Variants in SDK2 observed in about 807,000 individuals in gnomAD.
The protein encoded by SDK2 is sidekick cell adhesion molecule 2.
SDK2 carries 105 observed loss-of-function variants against 253.9 expected under a neutral mutation model. The ratio of observed to expected loss-of-function variants is 0.41; its 90% CI spans 0.35 to 0.49. The LOEUF is 0.49. Among genes scored for constraint, SDK2 ranks in the 20% least tolerant of loss-of-function variants. The pLI is 0.06. For synonymous variants in SDK2, 1,249 were observed against 1,234.9 expected (o/e 1.01, Z -0.24); for missense variants, 2,608 against 3,003.0 (o/e 0.87, Z 3.07).
chr17:73,567,465 C>T (rs2045328004), intron 1 of SDK2, among the ~76,000 whole-genome samples: 1 of 152,276 alleles, frequency 6.6e-6, no homozygotes, highest in Non-Finnish European at 1.5e-5. Context: ...TTGAAGCTCC[C>T]ACAGGGTCCT....
At chr17:73,424,169 C>T (rs575669866) in intron 12 of SDK2, 77 bp from the exon 13 acceptor site, 16 of 1,260,672 alleles carry the variant, frequency 1.3e-5, no homozygotes, top group Admixed American at 4.5e-5. Flanking sequence ...AAGCTTGTCC[C>T]GAGAAAATAG....
chr17:73,411,612 G>A (rs963487404), intron 18 of SDK2, among the ~76,000 whole-genome samples: 4 of 152,066 alleles, frequency 2.6e-5, no homozygotes, highest in Non-Finnish European at 5.9e-5. Context: ...CCCCCATGCT[G>A]TGCTCTGTCT....
At chr17:73,562,369 G>A (rs968744263) in intron 1 of SDK2, among the ~76,000 whole-genome samples, 22 of 151,894 alleles carry the variant, frequency 1.4e-4, no homozygotes, top group African/African-American at 5.3e-4. Context: ...TTTAATTACT[G>A]AATTTTGGGA....
At chr17:73,416,811 G>A (rs1283111739) in intron 16 of SDK2, among the ~76,000 whole-genome samples, 4 of 150,658 alleles carry the variant, frequency 2.7e-5, no homozygotes, top group Non-Finnish European at 5.9e-5. Context: ...GGCTGGTCTC[G>A]AACTCCTGAC....
intron 3 of SDK2, among the ~76,000 whole-genome samples, chr17:73,470,336 T>A (rs2063640136): frequency 6.6e-6 from 1 of 152,052 alleles, no homozygotes; most frequent in African/African-American, 2.4e-5. Flanking sequence ...CCCGCACATA[T>A]ACACACTCAT....
At chr17:73,514,073 G>T (rs570739831) in intron 1 of SDK2, among the ~76,000 whole-genome samples, 3 of 152,314 alleles carry the variant, frequency 2.0e-5, no homozygotes, top group Admixed American at 1.3e-4. Flanking sequence ...TCTATGATCA[G>T]ATATATGTAT....
intron 1 of SDK2, among the ~76,000 whole-genome samples, chr17:73,601,829 C>T (rs1323882343): frequency 3.3e-5 from 5 of 152,100 alleles, no homozygotes; most frequent in African/African-American, 9.7e-5. Context: ...TTGCAGCCTC[C>T]GCCTCCTGGG....
At chr17:73,444,473 G>A (rs1409268010) in intron 5 of SDK2, among the ~76,000 whole-genome samples, 1 of 152,230 alleles carries the variant, frequency 6.6e-6, no homozygotes, top group East Asian at 1.9e-4. Flanking sequence ...GGTGGGCCCT[G>A]GGGTGGGAGG....
chr17:73,519,766 C>T (rs1335784398), intron 1 of SDK2: 1 of 152,150 alleles, frequency 6.6e-6, no homozygotes, highest in Non-Finnish European at 1.5e-5. Flanking sequence ...GTTTGGAGCC[C>T]AGGAACAGAT....
chr17:73,488,857 C>T (rs75573598), intron 2 of SDK2, among the ~76,000 whole-genome samples: 3,655 of 152,198 alleles, frequency 0.024, 133 homozygotes, highest in African/African-American at 0.083. Context: ...CCATTTCCCC[C>T]GTAAGCCCTT....
intron 40 of SDK2, among the ~76,000 whole-genome samples, chr17:73,355,105 C>T (rs565447359): frequency 8.5e-4 from 121 of 142,920 alleles, no homozygotes; most frequent in African/African-American, 3.1e-3. Context: ...GGGTCCCGAA[C>T]CTCGGCCTCA....
intron 1 of SDK2, chr17:73,518,969 A>T (rs1441102989): frequency 6.6e-6 from 1 of 152,072 alleles, no homozygotes; most frequent in East Asian, 1.9e-4. Flanking sequence ...CACCCTTCTC[A>T]CAGGTGACTT....
rs992059469 is a variant in SDK2 at position 73,413,471 on chromosome 17, C to T, written c.2484+1173G>A. 3.9e-5 allele frequency among the ~76,000 whole-genome samples: 6 copies of T among 152,140 alleles called. No homozygotes were observed. The South Asian group carries it at 6.2e-4, about 16-fold the overall frequency. ...CATCCCGAAACCATCCCTCCTCCCACCCCAATCCATGGAAAAATTGTCTTC... is the reference window on the plus strand; with the variant it reads ...CATCCCGAAACCATCCCTCCTCCCATCCCAATCCATGGAAAAATTGTCTTC... On this transcript the variant is annotated intron_variant, in intron 18 of 44. Coordinates refer to ENST00000392650, the MANE Select transcript of SDK2 (RefSeq NM_001144952.2).
At chr17:73,619,587 A>G (rs2046104060) in intron 1 of SDK2, among the ~76,000 whole-genome samples, 1 of 152,214 alleles carries the variant, frequency 6.6e-6, no homozygotes, top group Non-Finnish European at 1.5e-5. Flanking sequence ...ACAAAAAGGA[A>G]CTCAAAATGG....
intron 1 of SDK2, among the ~76,000 whole-genome samples, chr17:73,622,943 C>T (rs2046151981): frequency 6.6e-6 from 1 of 152,222 alleles, no homozygotes; most frequent in Non-Finnish European, 1.5e-5. Flanking sequence ...CTTCACCCAT[C>T]CTGCACTTGG....
At chr17:73,372,505 AC>A (rs2062742724) in intron 36 of SDK2, among the ~76,000 whole-genome samples, 1 of 152,016 alleles carries the variant, frequency 6.6e-6, no homozygotes, top group South Asian at 2.1e-4. Flanking sequence ...ATAATCACGA[AC>A]CTGCCATTTA....
chr17:73,386,456 G>C lies in SDK2; in HGVS notation c.4487C>G (p.Thr1496Ser). 1.3e-6 allele frequency: 2 copies of C among 1,551,398 alleles called. No individual in the cohort carries two copies. The highest frequency in any genetic ancestry group is 1.7e-6 in the Non-Finnish European group (2 of 1,144,960). Reference sequence around the variant, plus strand: ...GAAGGGGTACTGACCAGCCTGCAGGGTGGTCAGTGACTCCGACTCCTCGCT... The same window carrying C: ...GAAGGGGTACTGACCAGCCTGCAGGCTGGTCAGTGACTCCGACTCCTCGCT... ...EFSEESESLTTLQAAPDEAPT... is the reference protein window; with the variant it reads ...EFSEESESLTSLQAAPDEAPT... Residue 1496 changes from threonine to serine, a missense_variant, in exon 31 of 45, where the codon ACC becomes AGC. Physicochemically the swap from Thr to Ser is moderately conservative, Grantham distance 58. Around this residue, in one of 2 missense-constraint regions of SDK2, gnomAD observed 1,103 missense variants for 1,143.9 expected, o/e 0.96. Coordinates refer to ENST00000392650, the MANE Select transcript of SDK2 (RefSeq NM_001144952.2).
rs570874025 is a variant in SDK2 at position 73,594,191 on chromosome 17, G to A, written c.64+49834C>T. On this transcript the variant is annotated intron_variant, in intron 1 of 44. Coordinates refer to ENST00000392650, the MANE Select transcript of SDK2 (RefSeq NM_001144952.2). ...AGCCTCTGAGGCTGAGTGTTGGACA[G>A]CGGGAAGGCGGCATTGATGGGGATT... 7.9e-5 allele frequency among the ~76,000 whole-genome samples: 12 copies of A among 152,344 alleles called. No individual in the cohort carries two copies. The South Asian group carries it at 1.0e-3, about 13-fold the overall frequency.
At chr17:73,389,144 C>T (rs2062904998) in intron 29 of SDK2, among the ~76,000 whole-genome samples, 1 of 148,838 alleles carries the variant, frequency 6.7e-6, no homozygotes, top group Non-Finnish European at 1.5e-5. Flanking sequence ...ATGGCTGGGA[C>T]TACAGATGTA....
Sources: gnomAD v4.1 joint callset for allele counts (sites outside exome capture counted in the v4.1 genomes callset) on GRCh38, gnomAD v4.1.1 for gene constraint, gnomAD v4.1.1 regional missense constraint, MANE v1.5 for transcripts, NCBI Gene and HGNC (gene_info 2026-07-23, HGNC 2026-07-21) for gene names.